CADM2: variants seen among roughly 807,000 people sequenced by gnomAD.
CADM2 encodes the protein immunoglobulin superfamily member 4D.
CADM2 carries 12 observed loss-of-function variants against 49.8 expected under a neutral mutation model. The ratio of observed to expected loss-of-function variants is 0.24; its 90% CI spans 0.15 to 0.39. The LOEUF is 0.39. Among genes scored for constraint, CADM2 ranks in the 10% least tolerant of loss-of-function variants. The pLI, the probability that CADM2 is intolerant of heterozygous loss-of-function variation, is 1.00. For synonymous variants in CADM2, 214 were observed against 175.4 expected (o/e 1.22, Z -1.74); for missense variants, 378 against 492.3 (o/e 0.77, Z 2.20).
At chr3:85,743,893 G>C (rs1220199860) in intron 2 of CADM2, among the ~76,000 whole-genome samples, 2 of 152,044 alleles carry the variant, frequency 1.3e-5, no homozygotes, top group East Asian at 1.9e-4. Context: ...TATTTAAGTA[G>C]TTAAGATTTC....
intron 1 of CADM2, among the ~76,000 whole-genome samples, chr3:85,653,063 G>A (rs1246505173): frequency 1.3e-5 from 2 of 151,636 alleles, no homozygotes; most frequent in African/African-American, 4.8e-5. Flanking sequence ...GTGAGCCACC[G>A]CACCTGGCCT....
At chr3:84,976,065 T>C (rs2031797495) in intron 1 of CADM2, among the ~76,000 whole-genome samples, 1 of 151,860 alleles carries the variant, frequency 6.6e-6, no homozygotes, top group Non-Finnish European at 1.5e-5. Context: ...TGAAGAAACC[T>C]AATGGTAAAT....
At chr3:85,694,823 A>G (rs919403065) in intron 1 of CADM2, among the ~76,000 whole-genome samples, 2 of 152,130 alleles carry the variant, frequency 1.3e-5, no homozygotes, top group African/African-American at 4.8e-5. Flanking sequence ...GAATATAGAC[A>G]TGGTGGCACA....
intron 1 of CADM2, among the ~76,000 whole-genome samples, chr3:85,725,022 A>C (rs2067644591): frequency 6.6e-6 from 1 of 151,922 alleles, no homozygotes; most frequent in African/African-American, 2.4e-5. Context: ...TTACTTTAAA[A>C]AAAATCTTCA....
At chr3:85,439,155 CT>C (rs373522509) in intron 1 of CADM2, among the ~76,000 whole-genome samples, 22,372 of 140,898 alleles carry the variant, frequency 0.16, 1,817 homozygotes, top group East Asian at 0.25. Context: ...CTTATAATGA[CT>C]TTTTTTTTTT....
At chr3:86,060,204 A>G (rs17024768) in intron 8 of CADM2, among the ~76,000 whole-genome samples, 3,421 of 151,154 alleles carry the variant, frequency 0.023, 76 homozygotes, top group East Asian at 0.063. Context: ...AAATTTTAAC[A>G]GATCAAATCG....
At chr3:85,008,977 G>T (rs2033865833) in intron 1 of CADM2, among the ~76,000 whole-genome samples, 1 of 152,102 alleles carries the variant, frequency 6.6e-6, no homozygotes, top group South Asian at 2.1e-4. Context: ...GAATATAAAG[G>T]TACTGAAATT....
At chr3:85,497,881 G>T (rs2039967874) in intron 1 of CADM2, among the ~76,000 whole-genome samples, 1 of 151,476 alleles carries the variant, frequency 6.6e-6, no homozygotes, top group South Asian at 2.1e-4. Flanking sequence ...GTATCTATAT[G>T]TATTTGTGTG....
chr3:85,987,238 A>G (rs989669358), intron 8 of CADM2, among the ~76,000 whole-genome samples: 9 of 151,978 alleles, frequency 5.9e-5, no homozygotes, highest in African/African-American at 1.2e-4. Context: ...GCTCTCTTCT[A>G]TTTTCTAAGG....
chr3:85,816,768 T>C (rs912773702), intron 3 of CADM2, among the ~76,000 whole-genome samples: 1 of 152,178 alleles, frequency 6.6e-6, no homozygotes, highest in Non-Finnish European at 1.5e-5. Context: ...AGCGACTCGC[T>C]AAGGCAATAC....
intron 8 of CADM2, among the ~76,000 whole-genome samples, chr3:86,062,287 T>C (rs552911195): frequency 1.3e-5 from 2 of 152,284 alleles, no homozygotes; most frequent in Admixed American, 6.5e-5. Context: ...GTAATACAAA[T>C]AGAGAATTCA....
At chr3:85,864,810 A>G (rs1200434249) in intron 3 of CADM2, among the ~76,000 whole-genome samples, 1 of 152,198 alleles carries the variant, frequency 6.6e-6, no homozygotes, top group Non-Finnish European at 1.5e-5. Context: ...GATACAAAAT[A>G]TTATTTTTTA....
chr3:84,968,042 T>C (rs2031143343), intron 1 of CADM2, among the ~76,000 whole-genome samples: 2 of 152,116 alleles, frequency 1.3e-5, no homozygotes, highest in African/African-American at 2.4e-5. Flanking sequence ...GTTCTCATAC[T>C]TAACCCTTTC....
Position 85,898,333 on chromosome 3 carries a change from AATTT to A in CADM2, c.529+12010_529+12013del, listed in dbSNP as rs1715558190. ...CAATATATAGATATTTAAATTTTGC[AATTT>A]ATTAAGTTTTGACAAATGTCTGTAG... On this transcript the variant is annotated intron_variant, in intron 5 of 9. Coordinates refer to ENST00000383699, the MANE Select transcript of CADM2 (RefSeq NM_001167675.2). Among the ~76,000 whole-genome samples the A allele has an allele frequency of 2.0e-5, 3 of 151,818 alleles. No individual in the cohort carries two copies. In the South Asian group the frequency reaches 6.2e-4, roughly 32 times the overall value.
In CADM2 at chr3:86,070,520, A is replaced by T. The variant is rs1265549611; in HGVS notation, c.*3737A>T. On this transcript the variant is annotated 3_prime_UTR_variant, in exon 10 of 10. Coordinates refer to ENST00000383699, the MANE Select transcript of CADM2 (RefSeq NM_001167675.2). ...CTTTTTAATTGTGGAGAAAATGCAAAACCTCATGTCTTACCACAACTTTCC... is the reference window on the plus strand; with the variant it reads ...CTTTTTAATTGTGGAGAAAATGCAATACCTCATGTCTTACCACAACTTTCC... 1 of 151,932 alleles carries T rather than the reference A, an allele frequency of 6.6e-6. No individual in the cohort carries two copies. The highest frequency in any genetic ancestry group is 1.5e-5 in the Non-Finnish European group (1 of 67,848). 9.4% of individuals were successfully genotyped at this position (151,932 alleles called of 1,614,324 possible). A position where few individuals can be genotyped will look rare whatever the true frequency, so the allele number is the denominator to read the frequency against.
chr3:85,855,619 A>AAAAATATATATATATATATATAT (rs2075284360), intron 3 of CADM2, among the ~76,000 whole-genome samples: 1 of 41,664 alleles, frequency 2.4e-5, no homozygotes, highest in African/African-American at 1.0e-4. Flanking sequence ...ATATATATAA[A>AAAAATATATATATATATATATAT]ACATATATAT....
chr3:85,541,507 T>G (rs917530623), intron 1 of CADM2, among the ~76,000 whole-genome samples: 5 of 149,816 alleles, frequency 3.3e-5, no homozygotes, highest in Non-Finnish European at 5.9e-5. Context: ...AGAACTTATA[T>G]TAAAAAAATG....
At chr3:86,047,614 T>C (rs1736830563) in intron 8 of CADM2, among the ~76,000 whole-genome samples, 1 of 152,308 alleles carries the variant, frequency 6.6e-6, no homozygotes, top group South Asian at 2.1e-4. Context: ...TTAACGTGTG[T>C]AAGAGGAGTA....
At chr3:85,498,002 T>G (rs540924035) in intron 1 of CADM2, among the ~76,000 whole-genome samples, 1 of 152,206 alleles carries the variant, frequency 6.6e-6, no homozygotes, top group African/African-American at 2.4e-5. Context: ...GTAACCTCAA[T>G]ATTAACACCT....
Sources: gnomAD v4.1 joint callset for allele counts (sites outside exome capture counted in the v4.1 genomes callset) on GRCh38, gnomAD v4.1.1 for gene constraint, MANE v1.5 for transcripts, NCBI Gene and HGNC (gene_info 2026-07-23, HGNC 2026-07-21) for gene names.